Variants in GPR39 observed in about 807,000 individuals in gnomAD.
GPR39 encodes G protein-coupled receptor 39, also known as zinc sensing receptor.
GPR39 carries 23 observed loss-of-function variants against 18.4 expected under a neutral mutation model. The observed-to-expected ratio is 1.25, with a 90% confidence interval of 0.90 to 1.77. The LOEUF (loss-of-function observed/expected upper bound fraction) is 1.77. Ranked by LOEUF, GPR39 falls within the 40% of genes most tolerant of loss-of-function variation. The pLI, the probability that GPR39 is intolerant of heterozygous loss-of-function variation, is 0.00. For synonymous variants in GPR39, 280 were observed against 257.9 expected, an observed-to-expected ratio of 1.09 and a Z score of -0.82; for missense variants, 647 against 602.4, an observed-to-expected ratio of 1.07 and a Z score of -0.78.
chr2:132,450,563 C>A (rs1344645746), intron 1 of GPR39, among the ~76,000 whole-genome samples: 1 of 152,238 alleles, frequency 6.6e-6, no homozygotes, highest in Non-Finnish European at 1.5e-5. Flanking sequence ...AGGCACAGGG[C>A]AGCCTCTCTA....
intron 1 of GPR39, among the ~76,000 whole-genome samples, chr2:132,464,728 A>G (rs1437255680): frequency 6.6e-6 from 1 of 152,180 alleles, no homozygotes. Context: ...ACCCGGCAGT[A>G]TATCCTTCCA....
intron 1 of GPR39, among the ~76,000 whole-genome samples, chr2:132,572,669 C>T (rs114466100): frequency 0.011 from 1,666 of 152,196 alleles, 19 homozygotes; most frequent in South Asian, 0.051. Flanking sequence ...CATAGGAGTC[C>T]GCTATGCTCC....
chr2:132,430,379 C>T (rs972887781), intron 1 of GPR39, among the ~76,000 whole-genome samples: 17 of 152,104 alleles, frequency 1.1e-4, no homozygotes, highest in Non-Finnish European at 1.9e-4. Flanking sequence ...CTGGGGGTGG[C>T]TGGGGAGACC....
chr2:132,616,303 G>A (rs1398229697), intron 1 of GPR39, among the ~76,000 whole-genome samples: 2 of 152,076 alleles, frequency 1.3e-5, no homozygotes, highest in Non-Finnish European at 1.5e-5. Flanking sequence ...GCCAGGATTC[G>A]ACCCAGTCTG....
At chr2:132,536,661 A>C (rs1679762243) in intron 1 of GPR39, among the ~76,000 whole-genome samples, 1 of 152,222 alleles carries the variant, frequency 6.6e-6, no homozygotes, top group Non-Finnish European at 1.5e-5. Flanking sequence ...TAATACTGAC[A>C]GTGGGTGTTA....
chr2:132,582,924 T>C (rs1054429762), intron 1 of GPR39, among the ~76,000 whole-genome samples: 2 of 148,830 alleles, frequency 1.3e-5, no homozygotes, highest in Non-Finnish European at 3.0e-5. Context: ...TCTTTTTTTT[T>C]TTTTTTTTTT....
chr2:132,520,875 G>A (rs1679412644), intron 1 of GPR39, among the ~76,000 whole-genome samples: 1 of 152,210 alleles, frequency 6.6e-6, no homozygotes, highest in African/African-American at 2.4e-5. Flanking sequence ...GTTTATAAGG[G>A]AAGAAATGCA....
chr2:132,427,899 T>A (rs1431145170), intron 1 of GPR39, among the ~76,000 whole-genome samples: 1 of 137,396 alleles, frequency 7.3e-6, no homozygotes, highest in Non-Finnish European at 1.6e-5. Flanking sequence ...AATATATATA[T>A]AATATAAAAT....
chr2:132,431,327 A>C (rs552303200), intron 1 of GPR39, among the ~76,000 whole-genome samples: 1 of 152,376 alleles, frequency 6.6e-6, no homozygotes, highest in East Asian at 1.9e-4. Context: ...TTTCAGATGT[A>C]AGATCCTACC....
At chr2:132,587,848 A>G (rs1156396751) in intron 1 of GPR39, among the ~76,000 whole-genome samples, 1 of 152,124 alleles carries the variant, frequency 6.6e-6, no homozygotes, top group Admixed American at 6.5e-5. Flanking sequence ...ATTTGTCTTT[A>G]ATATATGTTA....
chr2:132,527,542 T>C (rs1161776288), intron 1 of GPR39, among the ~76,000 whole-genome samples: 1 of 152,238 alleles, frequency 6.6e-6, no homozygotes, highest in East Asian at 1.9e-4. Context: ...GTTGAACTAA[T>C]TTACATTCCT....
chr2:132,552,871 T>C (rs181168493), intron 1 of GPR39, among the ~76,000 whole-genome samples: 15 of 143,806 alleles, frequency 1.0e-4, no homozygotes, highest in African/African-American at 3.7e-4. Flanking sequence ...TACATATATA[T>C]ACACATATAT....
At chr2:132,509,110 A>C (rs1679187456) in intron 1 of GPR39, among the ~76,000 whole-genome samples, 1 of 152,180 alleles carries the variant, frequency 6.6e-6, no homozygotes, top group Admixed American at 6.5e-5. Flanking sequence ...TGGAAGCTTT[A>C]CTAATCATTC....
intron 1 of GPR39, among the ~76,000 whole-genome samples, chr2:132,551,791 CA>C (rs1466341684): frequency 6.9e-6 from 1 of 145,000 alleles, no homozygotes; most frequent in East Asian, 2.0e-4. Flanking sequence ...TAAATATTGA[CA>C]AGTGGTTAAA....
chr2:132,505,238 A>G (rs1344879626), intron 1 of GPR39, among the ~76,000 whole-genome samples: 1 of 152,150 alleles, frequency 6.6e-6, no homozygotes, highest in Non-Finnish European at 1.5e-5. Context: ...TTCTCTCTTC[A>G]TCTTCTTTTT....
chr2:132,466,523 G>GTGAT (rs1680929985), intron 1 of GPR39, among the ~76,000 whole-genome samples: 1 of 152,122 alleles, frequency 6.6e-6, no homozygotes, highest in Non-Finnish European at 1.5e-5. Context: ...GTTCTGTGGT[G>GTGAT]TCTGTTGAGA....
At chr2:132,525,442 C>T (rs1252570791) in intron 1 of GPR39, among the ~76,000 whole-genome samples, 1 of 152,194 alleles carries the variant, frequency 6.6e-6, no homozygotes, top group Non-Finnish European at 1.5e-5. Context: ...TTTGCTAATG[C>T]TCCCTGACTT....
chr2:132,464,335 A>G (rs1680887564), intron 1 of GPR39, among the ~76,000 whole-genome samples: 1 of 152,200 alleles, frequency 6.6e-6, no homozygotes, highest in African/African-American at 2.4e-5. Context: ...GTGTCCTTAG[A>G]GAAGCTCGTG....
chr2:132,524,746 T>G (rs973590580), intron 1 of GPR39, among the ~76,000 whole-genome samples: 1 of 152,220 alleles, frequency 6.6e-6, no homozygotes, highest in Non-Finnish European at 1.5e-5. Flanking sequence ...CTGAATTTTT[T>G]AAAAAATAAA....
Sources: allele counts gnomAD v4.1 joint callset (sites outside exome capture counted in the v4.1 genomes callset), GRCh38; gene constraint gnomAD v4.1.1; transcripts MANE v1.5; gene names NCBI Gene and HGNC (gene_info 2026-07-23, HGNC 2026-07-21).